The following PCDHGA2 variants were observed in gnomAD, a reference collection of about 807,000 sequenced individuals.
PCDHGA2 encodes protocadherin gamma subfamily A, 2.
In PCDHGA2, 40 loss-of-function variants were observed where a neutral mutation model predicts 59.2. The observed-to-expected ratio is 0.68, with a 90% CI of 0.52 to 0.88. The LOEUF (loss-of-function observed/expected upper bound fraction) is 0.88. PCDHGA2 is among the 40% of genes least tolerant of loss of function. PCDHGA2 has a pLI of 0.00. For synonymous variants in PCDHGA2, 560 were observed against 526.0 expected (o/e 1.06, Z -0.89); for missense variants, 1,226 against 1,204.0 (o/e 1.02, Z -0.27).
At chr5:141,376,411 C>T in intron 1 of PCDHGA2, 1 of 1,614,182 alleles carries the variant, frequency 6.2e-7, no homozygotes, top group Non-Finnish European at 8.5e-7. Flanking sequence ...CCAACTATGC[C>T]GACACGCTTA....
intron 1 of PCDHGA2, chr5:141,366,493 G>A: frequency 4.3e-6 from 7 of 1,614,256 alleles, no homozygotes; most frequent in Non-Finnish European, 5.9e-6. Context: ...GCTGGCACAA[G>A]TCACGCCTGC....
intron 2 of PCDHGA2, 91 bp from the exon 3 acceptor site, chr5:141,505,302 G>C: frequency 6.3e-7 from 1 of 1,592,714 alleles, no homozygotes. Context: ...TAGGGTTAGG[G>C]TACTAGGTTT....
chr5:141,490,130 C>A lies in PCDHGA2; in HGVS notation c.2425-4677C>A, dbSNP rs535362535. On this transcript the variant is annotated intron_variant, in intron 1 of 3. Coordinates refer to ENST00000394576, the MANE Select transcript of PCDHGA2 (RefSeq NM_018915.4). The surrounding 1 kb of genome is among the most constrained non-coding windows in gnomAD (Gnocchi z 5.4). ...GTGCGGAACCTCTTTGGCCTAGACC[C>A]TAGCAGTGGGGCAATCCATGTGTTG... 11 of 1,614,242 alleles carry A rather than the reference C, an allele frequency of 6.8e-6. No individual in the cohort carries two copies. In the African/African-American group the frequency reaches 1.3e-4, roughly 20 times the overall value.
intron 1 of PCDHGA2, among the ~76,000 whole-genome samples, chr5:141,444,199 T>C (rs2098425653): frequency 7.4e-6 from 1 of 134,516 alleles, no homozygotes; most frequent in African/African-American, 2.9e-5. Context: ...GAGATGGAGT[T>C]TCACTCTTGT....
chr5:141,437,223 C>G (rs555637738), intron 1 of PCDHGA2, among the ~76,000 whole-genome samples: 1 of 152,198 alleles, frequency 6.6e-6, no homozygotes, highest in Admixed American at 6.5e-5. Context: ...TGATTCCAGT[C>G]ATAAAATTAT....
intron 1 of PCDHGA2, chr5:141,418,140 A>C (rs1487263767): frequency 6.2e-7 from 1 of 1,613,986 alleles, no homozygotes; most frequent in African/African-American, 1.3e-5. Context: ...GACCGTGAGC[A>C]AATATGCAAA....
At chr5:141,376,704 G>T in intron 1 of PCDHGA2, 1 of 620,824 alleles carries the variant, frequency 1.6e-6, no homozygotes. Flanking sequence ...TTTTGAGACG[G>T]AGTCTCGCTC....
In PCDHGA2 at chr5:141,491,357, T is replaced by C; in HGVS notation, c.2425-3450T>C. 6.2e-7 allele frequency: 1 copy of C among 1,614,144 alleles called. No homozygotes were observed. Among genetic ancestry groups the C allele is most frequent in the South Asian group, 1.1e-5 (1 of 91,080 alleles). On this transcript the variant is annotated intron_variant, in intron 1 of 3. Transcript: ENST00000394576. This position sits in a 1 kb window ranked among gnomAD's most constrained non-coding sequence, Gnocchi z 6.9. ...CTAGCGACCGTCAGTCTCTTATCCCTAGTCACCTTCACCTTTCTGTCAGCG... is the reference window on the plus strand; with the variant it reads ...CTAGCGACCGTCAGTCTCTTATCCCCAGTCACCTTCACCTTTCTGTCAGCG...
chr5:141,498,726 G>T (rs2099785379), intron 2 of PCDHGA2, among the ~76,000 whole-genome samples: 1 of 152,172 alleles, frequency 6.6e-6, no homozygotes, highest in Admixed American at 6.5e-5. Context: ...GAGGTCAGGA[G>T]TTTGAGACCA....
chr5:141,367,141 T>G (rs1764967867), intron 1 of PCDHGA2: 1 of 171,782 alleles, frequency 5.8e-6, no homozygotes, highest in Admixed American at 5.8e-5. Context: ...GAAAGGATAA[T>G]GTATAGGACT....
intron 1 of PCDHGA2, chr5:141,344,334 CTG>C (rs1757404707): frequency 4.3e-6 from 7 of 1,613,950 alleles, no homozygotes; most frequent in Non-Finnish European, 5.9e-6. Context: ...TCAGATCCCG[CTG>C]TGTCTGGTAA....
intron 1 of PCDHGA2, chr5:141,415,799 C>T (rs1037967294): frequency 5.2e-6 from 7 of 1,335,782 alleles, no homozygotes; most frequent in Non-Finnish European, 6.7e-6. Context: ...CACCTAGTCT[C>T]AATCAAGGCC....
In PCDHGA2 at chr5:141,486,341, C is replaced by T; in HGVS notation, c.2425-8466C>T. On this transcript the variant is annotated intron_variant, in intron 1 of 3. Coordinates refer to ENST00000394576, the MANE Select transcript of PCDHGA2 (RefSeq NM_018915.4). The surrounding 1 kb of genome is among the most constrained non-coding windows in gnomAD (Gnocchi z 5.0). ...AAACGGAGATGTGAGCCTCCGCATTCCTGACCACTTGCCATTTGCCCTCAA... is the reference window on the plus strand; with the variant it reads ...AAACGGAGATGTGAGCCTCCGCATTTCTGACCACTTGCCATTTGCCCTCAA... The T allele has an allele frequency of 6.2e-7, 1 of 1,614,128 alleles. No individual in the cohort carries two copies. Among genetic ancestry groups the T allele is most frequent in the Non-Finnish European group, 8.5e-7 (1 of 1,179,992 alleles).
At position 141,486,108 on chromosome 5, in the gene PCDHGA2, G is replaced by A. The variant is rs1184123075; in HGVS notation, c.2425-8699G>A. ...CTTTTGGGGCCCCTAGACTTTGAGA[G>A]TGAGAATTACTATGAATTTGATGTG... On this transcript the variant is annotated intron_variant, in intron 1 of 3. Coordinates refer to ENST00000394576, the MANE Select transcript of PCDHGA2 (RefSeq NM_018915.4). The surrounding 1 kb of genome is among the most constrained non-coding windows in gnomAD (Gnocchi z 5.0). 6 of 1,614,206 alleles carry A rather than the reference G, an allele frequency of 3.7e-6. No individual in the cohort carries two copies. Among genetic ancestry groups the A allele is most frequent in the South Asian group, 3.3e-5 (3 of 91,084 alleles).
In PCDHGA2 at chr5:141,489,801, T is replaced by C. The variant is rs201458939; in HGVS notation, c.2425-5006T>C. 6.2e-7 allele frequency: 1 copy of C among 1,614,148 alleles called. No homozygotes were observed. On this transcript the variant is annotated intron_variant, in intron 1 of 3. Coordinates refer to ENST00000394576, the MANE Select transcript of PCDHGA2 (RefSeq NM_018915.4). The surrounding 1 kb of genome is among the most constrained non-coding windows in gnomAD (Gnocchi z 4.5). The stretch of plus-strand genomic sequence containing the variant: ...CTCTGAATGTGAAGACCCTAAAAGA[T>C]GGGAAGCCATTCCCAGAGCTGGTGC...
At position 141,505,495 on chromosome 5, in the gene PCDHGA2, G is replaced by A. The variant is rs767547572; in HGVS notation, c.2572+14G>A. On this transcript the variant is annotated intron_variant, in intron 3 of 3. Transcript: ENST00000394576. ...CGTCCGCCAGTGGTAAGTGGTGTCA[G>A]TGTGTGTATGGAAGAGTGGGAGACC... The A allele has an allele frequency of 7.9e-5, 128 of 1,614,092 alleles. No homozygotes were observed. Among genetic ancestry groups the A allele is most frequent in the Non-Finnish European group, 1.0e-4 (123 of 1,180,008 alleles).
rs1224223477 is a variant in PCDHGA2, at chr5:141,356,416, A to T, written c.2424+15021A>T. 31 of 1,603,068 alleles carry T rather than the reference A, an allele frequency of 1.9e-5. No homozygotes were observed. Among genetic ancestry groups the T allele is most frequent in the Non-Finnish European group, 2.6e-5 (31 of 1,173,990 alleles). ...CTATGGAAATTATTATCGGTTGTTG[A>T]CACACAGAACACTGGACAGGGAAGA... On this transcript the variant is annotated intron_variant, in intron 1 of 3. Transcript: ENST00000394576.
rs2095932484 is a variant in PCDHGA2, at chr5:141,415,751, T to TG, written c.2424+74356_2424+74357insG. 3.8e-6 allele frequency: 5 copies of TG among 1,328,726 alleles called. No homozygotes were observed. The African/African-American group carries it at 9.4e-5, about 25-fold the overall frequency. The allele number at this position is 1,328,726 out of a possible 1,614,324, so 82.3% of individuals were successfully genotyped here. On this transcript the variant is annotated intron_variant, in intron 1 of 3. Transcript: ENST00000394576. ...TGATGTTTATTAAGGTTTTTTTTTT[T>TG]TTTTTTTTTTTTTTTTTTTTTACTT... is the stretch of plus-strand genomic sequence containing the variant.
intron 1 of PCDHGA2, chr5:141,364,990 G>C (rs1363998069): frequency 1.2e-6 from 2 of 1,613,862 alleles, no homozygotes; most frequent in Admixed American, 1.7e-5. Flanking sequence ...GCGGAGACCC[G>C]GTACTCTCCG....
Sources: gnomAD v4.1 joint callset for allele counts (sites outside exome capture counted in the v4.1 genomes callset) on GRCh38, gnomAD v4.1.1 for gene constraint, Gnocchi (gnomAD v3.1) non-coding constraint, MANE v1.5 for transcripts, NCBI Gene and HGNC (gene_info 2026-07-23, HGNC 2026-07-21) for gene names.